The following LEKR1 variants were observed in gnomAD, a reference collection of about 807,000 sequenced individuals.
The protein encoded by LEKR1 is protein LEKR1.
Under a neutral mutation model 72.4 loss-of-function variants are expected in LEKR1, and 59 were observed. The ratio of observed to expected loss-of-function variants is 0.82; its 90% confidence interval spans 0.66 to 1.01. The LOEUF (loss-of-function observed/expected upper bound fraction) is 1.01. Among genes scored for constraint, LEKR1 ranks in the 50% least tolerant of loss-of-function variants. LEKR1 has a pLI of 0.00. For synonymous variants in LEKR1, 257 were observed against 263.2 expected (o/e 0.98, Z 0.23); for missense variants, 728 against 759.2 (o/e 0.96, Z 0.48).
At chr3:156,855,830 T>C (rs1715990424) in intron 3 of LEKR1, among the ~76,000 whole-genome samples, 2 of 152,206 alleles carry the variant, frequency 1.3e-5, no homozygotes, top group South Asian at 4.2e-4. Context: ...AAATCTGGGG[T>C]AAATTCACTC....
At chr3:156,963,740 G>A (rs1242929994) in intron 6 of LEKR1, among the ~76,000 whole-genome samples, 2 of 152,110 alleles carry the variant, frequency 1.3e-5, no homozygotes, top group African/African-American at 4.8e-5. Context: ...ATTATCTCCA[G>A]TTTACAAATG....
Position 157,041,108 on chromosome 3 carries a change from G to C in LEKR1, c.1669-4232G>C, listed in dbSNP as rs151096269. On this transcript the variant is annotated intron_variant, in intron 12 of 12. Coordinates refer to ENST00000356539, the MANE Select transcript of LEKR1 (RefSeq NM_001004316.3). ...TCATTTTGACATTTTCCTTCTCAGG[G>C]GGAGGGCAATTAAGTCATATTTTAA... Among the ~76,000 whole-genome samples, 23 of 152,122 alleles carry C rather than the reference G, an allele frequency of 1.5e-4. No homozygotes were observed. In the South Asian group the frequency reaches 4.0e-3, roughly 26 times the overall value.
chr3:156,912,798 T>C (rs1723243918), intron 3 of LEKR1, among the ~76,000 whole-genome samples: 1 of 152,220 alleles, frequency 6.6e-6, no homozygotes, highest in Non-Finnish European at 1.5e-5. Flanking sequence ...AGGCTCTTCA[T>C]TGTGCTGCTC....
intron 6 of LEKR1, among the ~76,000 whole-genome samples, chr3:156,969,345 A>G (rs1728935323): frequency 6.6e-6 from 1 of 152,180 alleles, no homozygotes; most frequent in East Asian, 1.9e-4. Context: ...TGGTTTTTTG[A>G]AAAGATCAAC....
intron 1 of LEKR1, among the ~76,000 whole-genome samples, chr3:156,828,741 G>T (rs1440641878): frequency 6.6e-6 from 1 of 152,104 alleles, no homozygotes; most frequent in Non-Finnish European, 1.5e-5. Context: ...GTCCATCTTA[G>T]ATAAAATTGG....
At chr3:156,981,180 G>A (rs1730168722) in intron 7 of LEKR1, among the ~76,000 whole-genome samples, 2 of 152,152 alleles carry the variant, frequency 1.3e-5, no homozygotes, top group Admixed American at 1.3e-4. Flanking sequence ...TACACTCAAG[G>A]ATGTTCACAC....
At chr3:157,001,397 A>G (rs1273211228) in intron 9 of LEKR1, among the ~76,000 whole-genome samples, 1 of 152,196 alleles carries the variant, frequency 6.6e-6, no homozygotes, top group African/African-American at 2.4e-5. Context: ...CAATGTGAAG[A>G]CATCTCTAAG....
chr3:156,900,363 G>A (rs1721897905), intron 3 of LEKR1, among the ~76,000 whole-genome samples: 1 of 152,194 alleles, frequency 6.6e-6, no homozygotes, highest in African/African-American at 2.4e-5. Flanking sequence ...ATATTAGACT[G>A]CACGTATTGT....
intron 3 of LEKR1, among the ~76,000 whole-genome samples, chr3:156,878,487 G>A (rs1016423443): frequency 6.6e-6 from 1 of 151,946 alleles, no homozygotes; most frequent in African/African-American, 2.4e-5. Context: ...TGGCCTGAGA[G>A]GATACTTAAT....
chr3:157,014,871 TTA>T (rs1221879010), intron 10 of LEKR1, among the ~76,000 whole-genome samples: 1 of 152,162 alleles, frequency 6.6e-6, no homozygotes, highest in African/African-American at 2.4e-5. Context: ...TTTGCCAAAG[TTA>T]TAAAGGCAGG....
At chr3:156,875,992 C>CAAAAAAAAAAAAAAAAAAA (rs55816001) in intron 3 of LEKR1, among the ~76,000 whole-genome samples, 1 of 70,178 alleles carries the variant, frequency 1.4e-5, no homozygotes. Context: ...GACTCCATCT[C>CAAAAAAAAAAAAAAAAAAA]AAAAAAAAAA....
chr3:156,961,358 T>G (rs1728116293), intron 6 of LEKR1, among the ~76,000 whole-genome samples: 1 of 152,176 alleles, frequency 6.6e-6, no homozygotes, highest in South Asian at 2.1e-4. Context: ...TGTGTGACCA[T>G]CAGCAAAGTC....
intron 7 of LEKR1, among the ~76,000 whole-genome samples, chr3:156,986,232 T>C (rs1223269276): frequency 6.6e-6 from 1 of 152,204 alleles, no homozygotes; most frequent in Non-Finnish European, 1.5e-5. Context: ...AATTGACCAG[T>C]GTTTCCTGAA....
chr3:157,037,753 G>A (rs774740519), intron 12 of LEKR1, among the ~76,000 whole-genome samples: 5 of 152,086 alleles, frequency 3.3e-5, no homozygotes, highest in Non-Finnish European at 5.9e-5. Context: ...AAATAAATCA[G>A]GGTAAAAGGG....
chr3:156,875,992 CAAAAA>C lies in LEKR1; in HGVS notation c.263+23030_263+23034del, dbSNP rs55816001. On this transcript the variant is annotated intron_variant, in intron 3 of 12. Transcript: ENST00000356539. The stretch of plus-strand genomic sequence containing the variant: ...CCTGGGCAACAGCGAGACTCCATCT[CAAAAA>C]AAAAAAAAAAAAAAAAAAAGAAATG... 3.0e-4 allele frequency among the ~76,000 whole-genome samples: 21 copies of C among 70,190 alleles called. 1 individual carries two copies. In the South Asian group the frequency reaches 4.8e-3, roughly 16 times the overall value. The allele number at this position is 70,190 out of a possible 152,430, so 46.0% of individuals were successfully genotyped here.
intron 5 of LEKR1, among the ~76,000 whole-genome samples, chr3:156,940,631 A>G (rs1416727957): frequency 1.3e-5 from 2 of 152,198 alleles, no homozygotes; most frequent in Admixed American, 6.5e-5. Context: ...ATTCATCTCC[A>G]TTGAGTTTAC....
chr3:157,005,990 CT>C (rs1370006586), intron 9 of LEKR1, among the ~76,000 whole-genome samples: 15 of 151,514 alleles, frequency 9.9e-5, no homozygotes, highest in African/African-American at 3.6e-4. Context: ...CAATAAGATA[CT>C]ACTATACATT....
At chr3:156,997,804 A>G (rs1030571436) in intron 9 of LEKR1, among the ~76,000 whole-genome samples, 1 of 152,244 alleles carries the variant, frequency 6.6e-6, no homozygotes, top group Non-Finnish European at 1.5e-5. Context: ...GAACTTCTGA[A>G]TTTGGAGAAA....
intron 2 of LEKR1, among the ~76,000 whole-genome samples, chr3:156,838,622 A>G (rs942993792): frequency 1.3e-5 from 2 of 152,208 alleles, no homozygotes; most frequent in Non-Finnish European, 2.9e-5. Context: ...ACCAGTTTAA[A>G]GATGTCTTTC....
Sources: allele counts gnomAD v4.1 joint callset (sites outside exome capture counted in the v4.1 genomes callset), GRCh38; gene constraint gnomAD v4.1.1; transcripts MANE v1.5; gene names NCBI Gene and HGNC (gene_info 2026-07-23, HGNC 2026-07-21).